ADAMTS19: variants seen among roughly 807,000 people sequenced by gnomAD.
ADAMTS19 encodes the protein A disintegrin and metalloproteinase with thrombospondin motifs 19.
A neutral mutation model predicts 153.3 loss-of-function variants in ADAMTS19; 93 were observed. That is an observed-to-expected ratio of 0.61 (90% confidence interval 0.51 to 0.72). The LOEUF is 0.72. Among genes scored for constraint, ADAMTS19 ranks in the 30% least tolerant of loss-of-function variants. The probability of loss-of-function intolerance (pLI) is 0.00; values close to 1 mark genes in which losing one functional copy is unlikely to be tolerated. For synonymous variants in ADAMTS19, 600 were observed against 556.6 expected, an observed-to-expected ratio of 1.08 and a Z score of -1.10; for missense variants, 1,482 against 1,552.1, an observed-to-expected ratio of 0.95 and a Z score of 0.76.
At chr5:129,476,630 C>G (rs1310724147) in intron 2 of ADAMTS19, among the ~76,000 whole-genome samples, 1 of 152,034 alleles carries the variant, frequency 6.6e-6, no homozygotes, top group African/African-American at 2.4e-5. Flanking sequence ...TATTAAAAAC[C>G]AAACCAATAT....
At chr5:129,563,840 A>C (rs1753607301) in intron 7 of ADAMTS19, among the ~76,000 whole-genome samples, 1 of 152,216 alleles carries the variant, frequency 6.6e-6, no homozygotes, top group African/African-American at 2.4e-5. Flanking sequence ...TCAAATGCTA[A>C]TCTAAGTACT....
At chr5:129,631,528 A>G (rs1752295193) in intron 10 of ADAMTS19, among the ~76,000 whole-genome samples, 1 of 152,004 alleles carries the variant, frequency 6.6e-6, no homozygotes, top group African/African-American at 2.4e-5. Context: ...ATTGCAAGAC[A>G]CTAATACAGT....
chr5:129,622,379 C>A lies in ADAMTS19; in HGVS notation c.1770+31C>A, dbSNP rs1400234373. 8 of 1,612,474 alleles carry A rather than the reference C, an allele frequency of 5.0e-6. No individual in the cohort carries two copies. In the Admixed American group the frequency reaches 1.2e-4, roughly 24 times the overall value. On this transcript the variant is annotated intron_variant, in intron 10 of 22. Transcript: ENST00000274487. ...GATCCAGGTGGGGATTTTGTGCGTTCATTCATTGTTTAGAAGTATTGATTG... is the reference window on the plus strand; with the variant it reads ...GATCCAGGTGGGGATTTTGTGCGTTAATTCATTGTTTAGAAGTATTGATTG...
At chr5:129,542,115 T>C (rs1752674263) in intron 6 of ADAMTS19, among the ~76,000 whole-genome samples, 1 of 152,030 alleles carries the variant, frequency 6.6e-6, no homozygotes, top group African/African-American at 2.4e-5. Flanking sequence ...GAAGAAATAG[T>C]TGGCTTATTT....
At chr5:129,597,665 GGGAGGCCGAGGTGGGC>G (rs1750443776) in intron 8 of ADAMTS19, among the ~76,000 whole-genome samples, 1 of 152,094 alleles carries the variant, frequency 6.6e-6, no homozygotes, top group Admixed American at 6.6e-5. Flanking sequence ...TCAGCACTTT[GGGAGGCCGAGGTGGGC>G]GGATCACGAG....
chr5:129,564,901 T>C (rs73785205), intron 7 of ADAMTS19, among the ~76,000 whole-genome samples: 2 of 152,134 alleles, frequency 1.3e-5, no homozygotes, highest in Non-Finnish European at 2.9e-5. Flanking sequence ...TAAAAAGGCC[T>C]GTGAGGTTTA....
intron 2 of ADAMTS19, among the ~76,000 whole-genome samples, chr5:129,471,347 C>G (rs1750058256): frequency 6.6e-6 from 1 of 150,564 alleles, no homozygotes; most frequent in Admixed American, 6.6e-5. Flanking sequence ...GCCTGGGTGA[C>G]AGAGTGAGAC....
intron 6 of ADAMTS19, among the ~76,000 whole-genome samples, chr5:129,551,038 T>C (rs1344392250): frequency 6.6e-6 from 1 of 151,742 alleles, no homozygotes; most frequent in African/African-American, 2.4e-5. Flanking sequence ...TTTAAGGTTT[T>C]ATACATGTTA....
intron 6 of ADAMTS19, among the ~76,000 whole-genome samples, chr5:129,546,168 C>T (rs1346048142): frequency 1.4e-5 from 2 of 145,732 alleles, no homozygotes; most frequent in South Asian, 4.3e-4. Context: ...TTCTCACTCA[C>T]AGGTGGGAAT....
intron 6 of ADAMTS19, among the ~76,000 whole-genome samples, chr5:129,545,449 T>C (rs1202627778): frequency 6.6e-6 from 1 of 152,122 alleles, no homozygotes; most frequent in Non-Finnish European, 1.5e-5. Flanking sequence ...ATCATATTCC[T>C]AAAGAAGTTC....
intron 2 of ADAMTS19, among the ~76,000 whole-genome samples, chr5:129,507,940 G>A (rs1330492698): frequency 1.3e-5 from 2 of 151,750 alleles, no homozygotes; most frequent in Admixed American, 6.6e-5. Flanking sequence ...GTAGAATATT[G>A]GCAGTGGAAG....
intron 13 of ADAMTS19, among the ~76,000 whole-genome samples, chr5:129,650,921 T>C (rs1182385698): frequency 6.6e-6 from 1 of 152,118 alleles, no homozygotes; most frequent in African/African-American, 2.4e-5. Flanking sequence ...CTTTCTAATG[T>C]CATCCAGGAG....
chr5:129,648,441 G>A (rs1753164266), intron 12 of ADAMTS19, among the ~76,000 whole-genome samples: 1 of 152,128 alleles, frequency 6.6e-6, no homozygotes, highest in Admixed American at 6.5e-5. Context: ...GAATTTATAT[G>A]AATTTATGTA....
At chr5:129,539,612 CT>C (rs1752587667) in intron 6 of ADAMTS19, among the ~76,000 whole-genome samples, 2 of 152,028 alleles carry the variant, frequency 1.3e-5, no homozygotes, top group African/African-American at 4.8e-5. Context: ...AGCTGACATA[CT>C]ATATATTGCA....
At chr5:129,703,329 C>T (rs546907293) in intron 20 of ADAMTS19, among the ~76,000 whole-genome samples, 71 of 151,760 alleles carry the variant, frequency 4.7e-4, no homozygotes, top group Non-Finnish European at 9.6e-4. Context: ...CACCCTCATC[C>T]GTTATACATC....
At chr5:129,525,785 C>A (rs6894829) in intron 3 of ADAMTS19, among the ~76,000 whole-genome samples, 3,425 of 152,072 alleles carry the variant, frequency 0.023, 139 homozygotes, top group African/African-American at 0.078. Context: ...GAAAGTGGAG[C>A]TGAATCCTTT....
At chr5:129,536,140 G>T (rs1304064057) in intron 6 of ADAMTS19, among the ~76,000 whole-genome samples, 2 of 152,020 alleles carry the variant, frequency 1.3e-5, no homozygotes. Context: ...ACACAATGGA[G>T]AAAATTTTTG....
intron 7 of ADAMTS19, among the ~76,000 whole-genome samples, chr5:129,561,167 A>T (rs1420230314): frequency 3.9e-5 from 6 of 152,212 alleles, no homozygotes; most frequent in Non-Finnish European, 8.8e-5. Flanking sequence ...GTGAGAAGCC[A>T]TGGCTTTGTT....
At chr5:129,663,695 A>C (rs1366558648) in intron 15 of ADAMTS19, among the ~76,000 whole-genome samples, 1 of 152,144 alleles carries the variant, frequency 6.6e-6, no homozygotes, top group Non-Finnish European at 1.5e-5. Context: ...CCACAACTAT[A>C]TCCCTGTTCC....
Sources: allele counts gnomAD v4.1 joint callset (sites outside exome capture counted in the v4.1 genomes callset), GRCh38; gene constraint gnomAD v4.1.1; transcripts MANE v1.5; gene names NCBI Gene and HGNC (gene_info 2026-07-23, HGNC 2026-07-21).